MAGI2: variants seen among roughly 807,000 people sequenced by gnomAD.
MAGI2 encodes membrane associated guanylate kinase, WW and PDZ domain containing 2.
MAGI2 carries 35 observed loss-of-function variants against 133.3 expected under a neutral mutation model. The ratio of observed to expected loss-of-function variants is 0.26; its 90% CI spans 0.20 to 0.35. MAGI2 has a LOEUF of 0.35. Ranked by LOEUF, MAGI2 falls within the 10% of genes least tolerant of loss-of-function variation. The pLI, the probability that MAGI2 is intolerant of heterozygous loss-of-function variation, is 1.00. For missense variants in MAGI2, 1,636 were observed against 1,863.4 expected, an observed-to-expected ratio of 0.88 and a Z score of 2.25; for synonymous variants, 729 against 710.6, an observed-to-expected ratio of 1.03 and a Z score of -0.41.
intron 1 of MAGI2, among the ~76,000 whole-genome samples, chr7:79,262,232 T>C (rs7455235): frequency 0.57 from 86,683 of 151,866 alleles, 26,580 homozygotes; most frequent in Non-Finnish European, 0.69. Context: ...TCCTATACCA[T>C]AGGCAGGAAT....
At chr7:79,214,763 T>A (rs1829870518) in intron 1 of MAGI2, among the ~76,000 whole-genome samples, 1 of 141,794 alleles carries the variant, frequency 7.1e-6, no homozygotes, top group African/African-American at 2.6e-5. Context: ...ATATATGATA[T>A]ATAAATAGAT....
chr7:78,573,035 G>GTATA (rs765938732), intron 3 of MAGI2, among the ~76,000 whole-genome samples: 473 of 31,562 alleles, frequency 0.015, 11 homozygotes, highest in Non-Finnish European at 0.02. Flanking sequence ...GCATATGTAT[G>GTATA]TATATATATA....
At chr7:78,578,255 C>T (rs1584716287) in intron 3 of MAGI2, among the ~76,000 whole-genome samples, 1 of 151,818 alleles carries the variant, frequency 6.6e-6, no homozygotes, top group Non-Finnish European at 1.5e-5. Context: ...TGTAAGAACC[C>T]TATGGAAGAA....
At chr7:79,064,802 T>C (rs1174016035) in intron 1 of MAGI2, among the ~76,000 whole-genome samples, 2 of 152,120 alleles carry the variant, frequency 1.3e-5, no homozygotes, top group African/African-American at 2.4e-5. Context: ...TTCGGCTGTT[T>C]CACTAGGTTG....
At chr7:79,058,233 T>C (rs1219611696) in intron 1 of MAGI2, among the ~76,000 whole-genome samples, 1 of 152,132 alleles carries the variant, frequency 6.6e-6, no homozygotes, top group East Asian at 1.9e-4. Flanking sequence ...TTCAATTTTT[T>C]TCTATGCTAT....
At chr7:78,231,278 A>C (rs1397911414) in intron 10 of MAGI2, among the ~76,000 whole-genome samples, 1 of 152,186 alleles carries the variant, frequency 6.6e-6, no homozygotes, top group Non-Finnish European at 1.5e-5. Flanking sequence ...TAGAGAAGCT[A>C]CCTGGTGGTG....
At chr7:79,311,356 A>C (rs1838277246) in intron 1 of MAGI2, among the ~76,000 whole-genome samples, 1 of 152,108 alleles carries the variant, frequency 6.6e-6, no homozygotes, top group Admixed American at 6.6e-5. Context: ...TAAATCACCA[A>C]AAAATTCTCA....
chr7:79,218,257 C>A (rs1830186343), intron 1 of MAGI2, among the ~76,000 whole-genome samples: 1 of 151,898 alleles, frequency 6.6e-6, no homozygotes, highest in South Asian at 2.1e-4. Context: ...TGTAAAAATC[C>A]CCAGTGTGCT....
At chr7:78,040,191 G>A (rs576493521) in intron 21 of MAGI2, among the ~76,000 whole-genome samples, 1 of 152,238 alleles carries the variant, frequency 6.6e-6, no homozygotes, top group East Asian at 1.9e-4. Context: ...GCCCCTCTGG[G>A]GCTTGTGGGT....
At chr7:78,897,352 A>C (rs1584321997) in intron 2 of MAGI2, among the ~76,000 whole-genome samples, 1 of 152,206 alleles carries the variant, frequency 6.6e-6, no homozygotes, top group Admixed American at 6.5e-5. Context: ...TACCTGTGGC[A>C]GTAGCCACTG....
intron 2 of MAGI2, among the ~76,000 whole-genome samples, chr7:78,954,155 C>T (rs754078150): frequency 6.6e-6 from 1 of 152,050 alleles, no homozygotes; most frequent in African/African-American, 2.4e-5. Context: ...TATGCCTCCT[C>T]ATTTAATATT....
chr7:78,274,462 T>G (rs987691077), intron 9 of MAGI2, among the ~76,000 whole-genome samples: 1 of 152,174 alleles, frequency 6.6e-6, no homozygotes, highest in African/African-American at 2.4e-5. Context: ...AGAGCTCAAA[T>G]GCTGTGCTGG....
At chr7:78,813,560 C>T (rs960453072) in intron 2 of MAGI2, among the ~76,000 whole-genome samples, 5 of 152,122 alleles carry the variant, frequency 3.3e-5, no homozygotes, top group Admixed American at 6.5e-5. Flanking sequence ...CCGAGACGGG[C>T]GGATCACGAG....
intron 1 of MAGI2, among the ~76,000 whole-genome samples, chr7:79,180,085 C>T (rs1393433556): frequency 6.6e-6 from 1 of 151,740 alleles, no homozygotes; most frequent in African/African-American, 2.4e-5. Flanking sequence ...ACAAATAGCC[C>T]CATTAAAAAG....
At chr7:78,033,544 G>A (rs1809842075) in intron 21 of MAGI2, among the ~76,000 whole-genome samples, 1 of 151,862 alleles carries the variant, frequency 6.6e-6, no homozygotes, top group South Asian at 2.1e-4. Context: ...CACTGGAGAA[G>A]TAAAGAAGAA....
At chr7:78,067,577 C>G (rs1243212266) in intron 21 of MAGI2, among the ~76,000 whole-genome samples, 1 of 152,174 alleles carries the variant, frequency 6.6e-6, no homozygotes, top group Non-Finnish European at 1.5e-5. Context: ...GTCTGAGCCA[C>G]TTTATAGTTA....
At chr7:78,899,572 A>G (rs1044392904) in intron 2 of MAGI2, among the ~76,000 whole-genome samples, 1 of 152,100 alleles carries the variant, frequency 6.6e-6, no homozygotes, top group African/African-American at 2.4e-5. Flanking sequence ...TTTCCTCATA[A>G]AGCTGTTGGG....
At position 79,125,937 on chromosome 7, in the gene MAGI2, A is replaced by G. The variant is rs189389446; in HGVS notation, c.302-118731T>C. On this transcript the variant is annotated intron_variant, in intron 1 of 21. Coordinates refer to ENST00000354212, the MANE Select transcript of MAGI2 (RefSeq NM_012301.4). ...ATAGTGGTGGCAGTGCCTAGCTGCTACAAAGAAGACATGTTTTAGAAAACA... is the reference window on the plus strand; with the variant it reads ...ATAGTGGTGGCAGTGCCTAGCTGCTGCAAAGAAGACATGTTTTAGAAAACA... Among the ~76,000 whole-genome samples the G allele has an allele frequency of 2.9e-3, 448 of 152,378 alleles. 1 individual carries two copies. The highest frequency in any genetic ancestry group is 5.3e-3 in the Non-Finnish European group (359 of 68,032).
chr7:78,548,413 C>T (rs922364317), intron 3 of MAGI2, among the ~76,000 whole-genome samples: 29 of 152,088 alleles, frequency 1.9e-4, no homozygotes, highest in Admixed American at 1.8e-3. Flanking sequence ...GCTTTCATGT[C>T]GGCCAGGCAC....
Sources: allele counts gnomAD v4.1 joint callset (sites outside exome capture counted in the v4.1 genomes callset), GRCh38; gene constraint gnomAD v4.1.1; transcripts MANE v1.5; gene names NCBI Gene and HGNC (gene_info 2026-07-23, HGNC 2026-07-21).